Variants in PTPRG observed in about 807,000 individuals in gnomAD.
The protein encoded by PTPRG is receptor-type tyrosine-protein phosphatase gamma.
In PTPRG, 102 loss-of-function variants were observed where a neutral mutation model predicts 165.3. The observed-to-expected ratio is 0.62, with a 90% CI of 0.53 to 0.73. PTPRG has a LOEUF of 0.73. Ranked by LOEUF, PTPRG falls within the 30% of genes least tolerant of loss-of-function variation. The pLI is 0.00. For missense variants in PTPRG, 1,866 were observed against 1,861.4 expected, an observed-to-expected ratio of 1.00 and a Z score of -0.05; for synonymous variants, 675 against 669.5, an observed-to-expected ratio of 1.01 and a Z score of -0.13.
In PTPRG at chr3:62,084,705, T is replaced by A. The variant is rs145867487; in HGVS notation, c.615+6447T>A. Among the ~76,000 whole-genome samples the A allele has an allele frequency of 7.4e-4, 112 of 152,272 alleles. 1 individual carries two copies. The highest frequency in any genetic ancestry group is 2.5e-3 in the African/African-American group (106 of 41,572). On this transcript the variant is annotated intron_variant, in intron 5 of 29. Transcript: ENST00000474889. ...AGCCTTTCTCTCCACTTCCCTGCAT[T>A]TCACCTTCCCCCTCCTTCCCCACCA... is the stretch of plus-strand genomic sequence containing the variant.
chr3:62,205,366 T>C (rs991980326), intron 12 of PTPRG, among the ~76,000 whole-genome samples: 1 of 152,196 alleles, frequency 6.6e-6, no homozygotes, highest in African/African-American at 2.4e-5. Flanking sequence ...ATGTACGGAA[T>C]GCCCACTGTA....
At chr3:61,675,668 G>A (rs1364823177) in intron 1 of PTPRG, among the ~76,000 whole-genome samples, 1 of 152,134 alleles carries the variant, frequency 6.6e-6, no homozygotes, top group Non-Finnish European at 1.5e-5. Context: ...GGTATTTGAT[G>A]TTGGCTTCTA....
At chr3:61,843,435 A>G (rs2036710166) in intron 2 of PTPRG, among the ~76,000 whole-genome samples, 1 of 152,186 alleles carries the variant, frequency 6.6e-6, no homozygotes, top group Admixed American at 6.5e-5. Flanking sequence ...AGAGATATAA[A>G]TGAATACAAT....
chr3:62,004,621 C>T (rs916570856), intron 4 of PTPRG, among the ~76,000 whole-genome samples: 3 of 152,178 alleles, frequency 2.0e-5, no homozygotes, highest in African/African-American at 4.8e-5. Context: ...CTGCAGCACC[C>T]GATTAAAGCC....
chr3:61,742,326 C>G (rs894954112), intron 1 of PTPRG: 4 of 608,392 alleles, frequency 6.6e-6, no homozygotes, highest in East Asian at 5.6e-5. Flanking sequence ...ACGTAGGAAA[C>G]AGTTGCGTTG....
intron 9 of PTPRG, among the ~76,000 whole-genome samples, 176 bp downstream of exon 9, chr3:62,191,829 G>A (rs1417542031): frequency 6.6e-6 from 1 of 152,178 alleles, no homozygotes. Flanking sequence ...GACAGTGGAT[G>A]GAGCCTGCCT....
chr3:61,608,613 T>G lies in PTPRG; in HGVS notation c.85+46241T>G, dbSNP rs181899561. Among the ~76,000 whole-genome samples, 1,221 of 152,332 alleles carry G rather than the reference T, an allele frequency of 8.0e-3. 16 individuals are homozygous for G. The highest frequency in any genetic ancestry group is 8.2e-3 in the Non-Finnish European group (556 of 68,026). ...GGAAGCACCTGGATTCTTGTTCGAC[T>G]TCTTTGAGCTGCTCAATCAGCTGGC... On this transcript the variant is annotated intron_variant, in intron 1 of 29. Transcript: ENST00000474889.
At position 61,853,217 on chromosome 3, in the gene PTPRG, A is replaced by T. The variant is rs545290433; in HGVS notation, c.190+104235A>T. ...TTTGAGAAAATGGAAATTTTAGAGA[A>T]GGTGTGTGCGAGGTTCAGAATGGCC... On this transcript the variant is annotated intron_variant, in intron 2 of 29. Transcript: ENST00000474889. Among the ~76,000 whole-genome samples, 3 of 152,310 alleles carry T rather than the reference A, an allele frequency of 2.0e-5. No individual in the cohort carries two copies. The East Asian group carries it at 5.8e-4, about 29-fold the overall frequency.
chr3:62,272,952 TGTG>T lies in PTPRG; in HGVS notation c.3191_3193del (p.Val1064del). 2 of 1,608,616 alleles carry T rather than the reference TGTG, an allele frequency of 1.2e-6. No individual in the cohort carries two copies. Among genetic ancestry groups the T allele is most frequent in the Non-Finnish European group, 1.7e-6 (2 of 1,177,710 alleles). On this transcript the variant is annotated inframe_deletion, in exon 22 of 30. Coordinates refer to ENST00000474889, the MANE Select transcript of PTPRG (RefSeq NM_002841.4). ...GTGTCTTCATTTCTTACAGTGCTGG[TGTG>T]GGCAGAACAGGCACCTATATTGTAA...
At chr3:61,767,217 C>T (rs1458391391) in intron 2 of PTPRG, among the ~76,000 whole-genome samples, 1 of 102,420 alleles carries the variant, frequency 9.8e-6, no homozygotes, top group Non-Finnish European at 1.8e-5. Flanking sequence ...GCACTCTAGC[C>T]TTGTGACAGC....
intron 1 of PTPRG, among the ~76,000 whole-genome samples, chr3:61,727,006 C>T (rs1405683171): frequency 6.7e-6 from 1 of 149,476 alleles, no homozygotes; most frequent in Non-Finnish European, 1.5e-5. Context: ...GAGATTGTGC[C>T]ACTGCAGTCC....
At chr3:62,082,610 G>A (rs1701619490) in intron 5 of PTPRG, among the ~76,000 whole-genome samples, 1 of 152,198 alleles carries the variant, frequency 6.6e-6, no homozygotes, top group African/African-American at 2.4e-5. Flanking sequence ...TTATTCATGT[G>A]TTCACATCAA....
At chr3:61,759,146 G>T (rs1450403248) in intron 2 of PTPRG, among the ~76,000 whole-genome samples, 8 of 151,990 alleles carry the variant, frequency 5.3e-5, no homozygotes, top group Non-Finnish European at 8.8e-5. Flanking sequence ...CTACCTGAAG[G>T]GTGGTTATCT....
intron 2 of PTPRG, among the ~76,000 whole-genome samples, chr3:61,846,417 A>G (rs944984786): frequency 6.6e-6 from 1 of 151,984 alleles, no homozygotes; most frequent in Non-Finnish European, 1.5e-5. Flanking sequence ...CAGCTCAAGA[A>G]ACAGGCTTCA....
chr3:61,907,469 C>CA (rs2038684728), intron 2 of PTPRG, among the ~76,000 whole-genome samples: 1 of 152,194 alleles, frequency 6.6e-6, no homozygotes. Flanking sequence ...AATTGGTACT[C>CA]ACGATGAAAT....
chr3:62,221,799 A>C (rs968753716), intron 13 of PTPRG, among the ~76,000 whole-genome samples: 1 of 152,182 alleles, frequency 6.6e-6, no homozygotes. Context: ...CTGATTTTTG[A>C]GTGTGTTTTC....
At chr3:62,261,488 CTA>C (rs1701695711) in intron 16 of PTPRG, among the ~76,000 whole-genome samples, 1 of 151,914 alleles carries the variant, frequency 6.6e-6, no homozygotes, top group South Asian at 2.1e-4. Flanking sequence ...AGGTTATAAA[CTA>C]TGTTAGAACA....
chr3:62,077,118 T>C (rs1008935917), intron 4 of PTPRG, among the ~76,000 whole-genome samples: 5 of 151,966 alleles, frequency 3.3e-5, no homozygotes, highest in African/African-American at 1.2e-4. Context: ...ATACACAAAT[T>C]AGCTGGGTAT....
At chr3:61,817,917 T>C (rs922064817) in intron 2 of PTPRG, among the ~76,000 whole-genome samples, 1 of 152,002 alleles carries the variant, frequency 6.6e-6, no homozygotes, top group African/African-American at 2.4e-5. Context: ...CTGCTGGGGG[T>C]AGAAGTCAGA....
Sources: gnomAD v4.1 joint callset for allele counts (sites outside exome capture counted in the v4.1 genomes callset) on GRCh38, gnomAD v4.1.1 for gene constraint, MANE v1.5 for transcripts, NCBI Gene and HGNC (gene_info 2026-07-23, HGNC 2026-07-21) for gene names.